The following CNTNAP2 variants were observed in gnomAD, a reference collection of about 807,000 sequenced individuals.
CNTNAP2 encodes contactin-associated protein-like 2.
CNTNAP2 carries 98 observed loss-of-function variants against 155.2 expected under a neutral mutation model. That is an observed-to-expected ratio of 0.63 (90% CI 0.54 to 0.75). The LOEUF (loss-of-function observed/expected upper bound fraction) is 0.75. Among genes scored for constraint, CNTNAP2 ranks in the 30% least tolerant of loss-of-function variants. CNTNAP2 has a pLI of 0.00. For missense variants in CNTNAP2, 1,727 were observed against 1,688.1 expected (o/e 1.02, Z -0.40); for synonymous variants, 651 against 631.2 (o/e 1.03, Z -0.47).
intron 8 of CNTNAP2, among the ~76,000 whole-genome samples, chr7:147,209,312 C>T (rs189457777): frequency 6.6e-5 from 10 of 152,102 alleles, no homozygotes; most frequent in Admixed American, 5.9e-4. Flanking sequence ...TCTTTCACTT[C>T]CTTGGTTACA....
intron 14 of CNTNAP2, among the ~76,000 whole-genome samples, chr7:147,917,017 A>G (rs1370615909): frequency 6.6e-6 from 1 of 152,206 alleles, no homozygotes; most frequent in African/African-American, 2.4e-5. Context: ...TTTCACAGAC[A>G]CCTGACCATC....
intron 1 of CNTNAP2, among the ~76,000 whole-genome samples, chr7:146,554,177 G>T (rs1215898909): frequency 1.3e-5 from 2 of 152,002 alleles, no homozygotes; most frequent in East Asian, 1.9e-4. Flanking sequence ...ATTTGAGGCC[G>T]CCTTCTGACC....
At chr7:147,689,019 T>A (rs1360343286) in intron 13 of CNTNAP2, among the ~76,000 whole-genome samples, 1 of 152,182 alleles carries the variant, frequency 6.6e-6, no homozygotes, top group Non-Finnish European at 1.5e-5. Context: ...GCTGCATAAT[T>A]CCAAGTTTCT....
chr7:146,908,872 T>A (rs1796207633), intron 3 of CNTNAP2, among the ~76,000 whole-genome samples: 1 of 147,224 alleles, frequency 6.8e-6, no homozygotes, highest in Admixed American at 6.7e-5. Flanking sequence ...GAACTGGTTT[T>A]TTGAAAGGAT....
At chr7:146,819,529 C>G (rs1484278984) in intron 2 of CNTNAP2, among the ~76,000 whole-genome samples, 1 of 152,108 alleles carries the variant, frequency 6.6e-6, no homozygotes, top group Non-Finnish European at 1.5e-5. Flanking sequence ...CACGTCCCAT[C>G]AAGTCTTGGA....
intron 8 of CNTNAP2, among the ~76,000 whole-genome samples, chr7:147,201,724 T>A (rs1584789716): frequency 6.6e-6 from 1 of 152,134 alleles, no homozygotes; most frequent in South Asian, 2.1e-4. Flanking sequence ...AGGGGCAGGG[T>A]GATAGAAATC....
chr7:147,558,716 C>CCTTCCTTT (rs1799999369), intron 11 of CNTNAP2, among the ~76,000 whole-genome samples: 1 of 44,732 alleles, frequency 2.2e-5, no homozygotes, highest in Admixed American at 1.9e-4. Context: ...TTCCTTCCTT[C>CCTTCCTTT]CTTCCTTCCT....
intron 8 of CNTNAP2, among the ~76,000 whole-genome samples, chr7:147,165,809 C>G (rs10260442): frequency 1.3e-5 from 2 of 151,886 alleles, no homozygotes; most frequent in African/African-American, 4.8e-5. Context: ...TCTGAGTTCT[C>G]TGTTTTGTTC....
At chr7:147,602,619 C>T (rs1800973316) in intron 12 of CNTNAP2, among the ~76,000 whole-genome samples, 2 of 151,374 alleles carry the variant, frequency 1.3e-5, no homozygotes, top group South Asian at 4.2e-4. Context: ...AGGTATATCT[C>T]CTAATGCTAT....
chr7:147,177,822 T>G (rs2116492815), intron 8 of CNTNAP2, among the ~76,000 whole-genome samples: 1 of 152,218 alleles, frequency 6.6e-6, no homozygotes, highest in East Asian at 1.9e-4. Context: ...TTACTTCAAT[T>G]TCTAATATCC....
At chr7:147,421,268 T>C (rs1405489078) in intron 10 of CNTNAP2, among the ~76,000 whole-genome samples, 1 of 152,104 alleles carries the variant, frequency 6.6e-6, no homozygotes, top group Non-Finnish European at 1.5e-5. Flanking sequence ...TTTCTGCTAG[T>C]AACTCAGCCA....
intron 14 of CNTNAP2, among the ~76,000 whole-genome samples, chr7:147,944,708 T>C (rs1010045405): frequency 2.0e-5 from 3 of 152,230 alleles, no homozygotes; most frequent in African/African-American, 7.2e-5. Flanking sequence ...TTCCAAGTAA[T>C]TATTTGTAAT....
intron 8 of CNTNAP2, among the ~76,000 whole-genome samples, chr7:147,180,274 C>T (rs753849239): frequency 2.6e-5 from 4 of 152,162 alleles, no homozygotes; most frequent in Admixed American, 6.5e-5. Context: ...TTTTTATTAT[C>T]TGGTGATCCA....
At chr7:147,894,176 T>G (rs1198978589) in intron 13 of CNTNAP2, 1 of 152,250 alleles carries the variant, frequency 6.6e-6, no homozygotes, top group Non-Finnish European at 1.5e-5. Flanking sequence ...AAGAATGTTT[T>G]GAATGGTCTA....
intron 10 of CNTNAP2, among the ~76,000 whole-genome samples, chr7:147,424,437 G>A (rs1466880302): frequency 6.6e-6 from 1 of 151,956 alleles, no homozygotes; most frequent in Admixed American, 6.6e-5. Flanking sequence ...ACATTTTCTT[G>A]TAGTTTTCTT....
chr7:146,668,841 T>C (rs1800245792), intron 1 of CNTNAP2, among the ~76,000 whole-genome samples: 1 of 152,098 alleles, frequency 6.6e-6, no homozygotes, highest in Non-Finnish European at 1.5e-5. Flanking sequence ...GTGGTATTTG[T>C]TATGATGCCT....
intron 1 of CNTNAP2, among the ~76,000 whole-genome samples, chr7:146,326,220 A>C (rs1801095243): frequency 6.6e-6 from 1 of 152,198 alleles, no homozygotes; most frequent in Admixed American, 6.5e-5. Context: ...CTGATAATGC[A>C]GAGGAAAAAA....
chr7:147,678,244 T>A (rs1027650383), intron 13 of CNTNAP2, among the ~76,000 whole-genome samples: 1 of 151,818 alleles, frequency 6.6e-6, no homozygotes, highest in Non-Finnish European at 1.5e-5. Flanking sequence ...TGCAGCAGTT[T>A]TTCCCAATAC....
intron 1 of CNTNAP2, among the ~76,000 whole-genome samples, chr7:146,370,891 C>G (rs1445792857): frequency 6.6e-6 from 1 of 151,990 alleles, no homozygotes; most frequent in Non-Finnish European, 1.5e-5. Flanking sequence ...TTTAAGATTT[C>G]TTTGTGATCT....
Sources: allele counts gnomAD v4.1 joint callset (sites outside exome capture counted in the v4.1 genomes callset), GRCh38; gene constraint gnomAD v4.1.1; transcripts MANE v1.5; gene names NCBI Gene and HGNC (gene_info 2026-07-23, HGNC 2026-07-21).